The following ASPRV1 variants were observed in gnomAD, a reference collection of about 807,000 sequenced individuals.
The protein encoded by ASPRV1 is retroviral-like aspartic protease 1.
In ASPRV1, 7 loss-of-function variants were observed where a neutral mutation model predicts 11.0. The observed-to-expected ratio is 0.64, with a 90% CI of 0.36 to 1.20. ASPRV1 has a LOEUF of 1.20. Among genes scored for constraint, ASPRV1 ranks in the 50% most tolerant of loss-of-function variants. The pLI is 0.02. For missense variants in ASPRV1, 299 were observed against 320.0 expected (o/e 0.93, Z 0.50); for synonymous variants, 136 against 138.4 (o/e 0.98, Z 0.12).
the ASPRV1 span, among the ~76,000 whole-genome samples, chr2:70,022,688 T>A: frequency 6.7e-6 from 1 of 149,380 alleles, no homozygotes; most frequent in Admixed American, 6.7e-5. Context: ...AGACCCTGTT[T>A]AAAAAAAAAA....
the ASPRV1 span, chr2:70,086,506 C>G: frequency 6.6e-6 from 1 of 151,690 alleles, no homozygotes; most frequent in East Asian, 2.0e-4. Flanking sequence ...ATGGCGGGCC[C>G]TGACGGGGCC....
chr2:70,046,885 G>A, the ASPRV1 span: 1 of 152,112 alleles, frequency 6.6e-6, no homozygotes, highest in Admixed American at 6.6e-5. Context: ...TCAGAATTTT[G>A]CTGCATTTTC....
At chr2:70,087,318 A>G in the ASPRV1 span, 1 of 151,854 alleles carries the variant, frequency 6.6e-6, no homozygotes, top group South Asian at 2.1e-4. Context: ...TCACTACTGC[A>G]GTGTCAGAAG....
the ASPRV1 span, among the ~76,000 whole-genome samples, chr2:69,990,179 T>TTTTTA: frequency 1.3e-3 from 199 of 152,202 alleles, no homozygotes; most frequent in African/African-American, 4.4e-3. Flanking sequence ...TGTTTATGTA[T>TTTTTA]TTTTATTTTA....
At chr2:69,936,269 A>G in the ASPRV1 span, among the ~76,000 whole-genome samples, 1 of 152,082 alleles carries the variant, frequency 6.6e-6, no homozygotes, top group Non-Finnish European at 1.5e-5. Context: ...CCCTGTCATA[A>G]CTGACATTTG....
At chr2:69,955,860 A>C (rs1319752885), downstream of ASPRV1, among the ~76,000 whole-genome samples, 1 of 151,914 alleles carries the variant, frequency 6.6e-6, no homozygotes, top group Non-Finnish European at 1.5e-5. Context: ...AAATATAGAG[A>C]AGTGGACTCT....
the ASPRV1 span, among the ~76,000 whole-genome samples, chr2:70,008,703 T>G: frequency 4.6e-5 from 7 of 152,052 alleles, no homozygotes; most frequent in East Asian, 3.8e-4. Flanking sequence ...AGACAATGCT[T>G]CTTCTTCCAA....
the ASPRV1 span, among the ~76,000 whole-genome samples, chr2:70,071,969 TGAGA>T: frequency 6.6e-6 from 1 of 150,536 alleles, no homozygotes; most frequent in Admixed American, 6.7e-5. Flanking sequence ...TTTTTTTTTA[TGAGA>T]AAGAGTCTCG....
the ASPRV1 span, chr2:69,938,190 G>A: frequency 1.2e-6 from 2 of 1,614,236 alleles, no homozygotes; most frequent in Non-Finnish European, 1.7e-6. Flanking sequence ...GAGCGGGGCA[G>A]CATGCAGAGC....
the ASPRV1 span, among the ~76,000 whole-genome samples, chr2:70,045,093 GT>G: frequency 6.6e-6 from 1 of 152,160 alleles, no homozygotes; most frequent in Admixed American, 6.5e-5. Flanking sequence ...TAAACAGAAT[GT>G]TCTGGCTAAA....
chr2:70,072,814 G>T, the ASPRV1 span, among the ~76,000 whole-genome samples: 1 of 151,648 alleles, frequency 6.6e-6, no homozygotes, highest in Admixed American at 6.6e-5. Context: ...CACTTCAGGA[G>T]GTCAAGGCAG....
the ASPRV1 span, among the ~76,000 whole-genome samples, chr2:69,936,458 CTT>C: frequency 9.7e-4 from 147 of 152,284 alleles, no homozygotes; most frequent in Admixed American, 2.1e-3. Context: ...GATTCAAAGT[CTT>C]GAGAGCCACA....
At chr2:70,044,043 C>A in the ASPRV1 span, among the ~76,000 whole-genome samples, 4 of 152,104 alleles carry the variant, frequency 2.6e-5, no homozygotes, top group African/African-American at 9.7e-5. Flanking sequence ...CTTCTTGTCC[C>A]TGCAACTAGG....
the ASPRV1 span, among the ~76,000 whole-genome samples, chr2:70,017,770 T>G: frequency 6.6e-6 from 1 of 152,198 alleles, no homozygotes; most frequent in African/African-American, 2.4e-5. Flanking sequence ...CAAAATTCAG[T>G]AGTGTTTATA....
chr2:70,022,807 A>G, the ASPRV1 span, among the ~76,000 whole-genome samples: 1 of 152,226 alleles, frequency 6.6e-6, no homozygotes, highest in Non-Finnish European at 1.5e-5. Context: ...TATACTCATC[A>G]AGACACATAA....
chr2:70,018,312 C>T, the ASPRV1 span, among the ~76,000 whole-genome samples: 4 of 151,866 alleles, frequency 2.6e-5, no homozygotes, highest in Admixed American at 2.0e-4. Context: ...GCTGTGTCCA[C>T]GGTTTGGAAG....
chr2:70,045,957 T>C, the ASPRV1 span: 1 of 152,198 alleles, frequency 6.6e-6, no homozygotes, highest in East Asian at 1.9e-4. Flanking sequence ...GGACGTGTAA[T>C]GGTGAAGCTC....
the ASPRV1 span, among the ~76,000 whole-genome samples, chr2:70,036,565 A>G: frequency 9.9e-5 from 15 of 152,210 alleles, no homozygotes; most frequent in Admixed American, 9.2e-4. Flanking sequence ...GTTTGTCTAC[A>G]CCAAAATTGG....
chr2:69,945,220 C>CAG, the ASPRV1 span, among the ~76,000 whole-genome samples: 2 of 152,142 alleles, frequency 1.3e-5, no homozygotes, highest in Admixed American at 6.5e-5. Context: ...GCCTGGGCGA[C>CAG]AGAGAGAGAC....
Sources: allele counts gnomAD v4.1 joint callset (sites outside exome capture counted in the v4.1 genomes callset), GRCh38; gene constraint gnomAD v4.1.1; transcripts MANE v1.5; gene names NCBI Gene and HGNC (gene_info 2026-07-23, HGNC 2026-07-21).